MINDY3: variants seen among roughly 807,000 people sequenced by gnomAD.
The protein encoded by MINDY3 is MINDY lysine 48 deubiquitinase 3.
In MINDY3, 38 loss-of-function variants were observed where a neutral mutation model predicts 69.2. The ratio of observed to expected loss-of-function variants is 0.55; its 90% CI spans 0.42 to 0.72. The LOEUF (loss-of-function observed/expected upper bound fraction) is 0.72. MINDY3 is among the 30% of genes least tolerant of loss of function. MINDY3 has a pLI of 0.00. For missense variants in MINDY3, 522 were observed against 519.0 expected, an observed-to-expected ratio of 1.01 and a Z score of -0.06; for synonymous variants, 192 against 180.1, an observed-to-expected ratio of 1.07 and a Z score of -0.53.
intron 14 of MINDY3, among the ~76,000 whole-genome samples, chr10:15,779,999 A>G (rs1352954385): frequency 3.3e-5 from 5 of 152,204 alleles, no homozygotes; most frequent in African/African-American, 1.2e-4. Flanking sequence ...TTTTTGTACC[A>G]AGAGAAATTC....
chr10:15,837,384 A>T, intron 5 of MINDY3, 66 bp from the exon 6 acceptor site: 1 of 1,320,824 alleles, frequency 7.6e-7, no homozygotes, highest in East Asian at 2.4e-5. Context: ...AAAAGGGAAA[A>T]TTTTTAAATT....
chr10:15,845,320 T>C (rs1218869459), intron 2 of MINDY3, among the ~76,000 whole-genome samples: 2 of 152,222 alleles, frequency 1.3e-5, no homozygotes, highest in Admixed American at 6.5e-5. Context: ...TATGATTGTA[T>C]TATGTATTTG....
At chr10:15,841,127 T>C (rs890332305) in intron 4 of MINDY3, among the ~76,000 whole-genome samples, 2 of 151,408 alleles carry the variant, frequency 1.3e-5, no homozygotes, top group African/African-American at 4.8e-5. Context: ...AACTGAAGCA[T>C]ATCATTATTT....
intron 10 of MINDY3, among the ~76,000 whole-genome samples, chr10:15,812,958 C>T (rs1032031686): frequency 1.5e-4 from 23 of 152,094 alleles, no homozygotes; most frequent in Non-Finnish European, 2.8e-4. Flanking sequence ...CACTTTTTTC[C>T]TCTCTACCTC....
chr10:15,833,000 A>G (rs528755679), intron 8 of MINDY3, among the ~76,000 whole-genome samples: 161 of 152,360 alleles, frequency 1.1e-3, no homozygotes, highest in African/African-American at 3.8e-3. Context: ...ATGAATAAAT[A>G]AATGAATTCA....
At chr10:15,798,115 A>G (rs892567743) in intron 10 of MINDY3, among the ~76,000 whole-genome samples, 21 of 152,170 alleles carry the variant, frequency 1.4e-4, no homozygotes, top group African/African-American at 5.1e-4. Flanking sequence ...TCACCAATGA[A>G]TGAGGAAAAG....
At chr10:15,859,262 T>C (rs546749930) in intron 1 of MINDY3, among the ~76,000 whole-genome samples, 17 of 152,324 alleles carry the variant, frequency 1.1e-4, no homozygotes, top group African/African-American at 3.8e-4. Flanking sequence ...ATATTTACTA[T>C]GCCAAAATTC....
In MINDY3 at chr10:15,842,752, G is replaced by A. The variant is rs183537973; in HGVS notation, c.235+460C>T. Among the ~76,000 whole-genome samples, 17 of 151,832 alleles carry A rather than the reference G, an allele frequency of 1.1e-4. No individual in the cohort carries two copies. In the East Asian group the frequency reaches 2.5e-3, roughly 22 times the overall value. On this transcript the variant is annotated intron_variant, in intron 3 of 14. Transcript: ENST00000277632. ...AAGGTGGCACCACACATCTCTCTGGGTACAGAAGCTCATGTTACAGAAGCT... is the reference window on the plus strand; with the variant it reads ...AAGGTGGCACCACACATCTCTCTGGATACAGAAGCTCATGTTACAGAAGCT...
Position 15,837,432 on chromosome 10 carries a change from G to A in MINDY3, c.462-114C>T, listed in dbSNP as rs902756400. Reference sequence around the variant, plus strand: ...AAAACATATACATACAAACAGGAAAGTTTTGGGACGTTTCTAAATTTTTCA... The same window carrying A: ...AAAACATATACATACAAACAGGAAAATTTTGGGACGTTTCTAAATTTTTCA... On this transcript the variant is annotated intron_variant, in intron 5 of 14. Coordinates refer to ENST00000277632, the MANE Select transcript of MINDY3 (RefSeq NM_024948.4). 2.0e-5 allele frequency: 25 copies of A among 1,239,752 alleles called. No individual in the cohort carries two copies. In the Admixed American group the frequency reaches 4.3e-4, roughly 21 times the overall value. 76.8% of individuals were successfully genotyped at this position (1,239,752 alleles called of 1,614,324 possible). A position where few individuals can be genotyped will look rare whatever the true frequency, so the allele number is the denominator to read the frequency against.
intron 8 of MINDY3, among the ~76,000 whole-genome samples, chr10:15,831,930 C>A (rs1482814377): frequency 6.6e-6 from 1 of 152,156 alleles, no homozygotes; most frequent in African/African-American, 2.4e-5. Context: ...TCCACCTCGG[C>A]CTCCCAAAGT....
intron 10 of MINDY3, among the ~76,000 whole-genome samples, chr10:15,810,394 TTCACAAAGCTTATTTGTAAATAC>T (rs1340863497): frequency 1.3e-5 from 2 of 152,186 alleles, no homozygotes; most frequent in Non-Finnish European, 2.9e-5. Flanking sequence ...TATAGGTAGT[TTCACAAAGCTTATTTGTAAATAC>T]TCATGACAGC....
intron 4 of MINDY3, among the ~76,000 whole-genome samples, chr10:15,839,004 CAA>C: frequency 6.6e-6 from 1 of 151,674 alleles, no homozygotes; most frequent in African/African-American, 2.4e-5. Flanking sequence ...AAAATCCTCT[CAA>C]GAGTACATAG....
In MINDY3 at chr10:15,860,318, G is replaced by C; in HGVS notation, c.-19C>G. The C allele has an allele frequency of 6.4e-7, 1 of 1,566,182 alleles. No individual in the cohort carries two copies. The highest frequency in any genetic ancestry group is 8.7e-7 in the Non-Finnish European group (1 of 1,150,104). On this transcript the variant is annotated 5_prime_UTR_variant, in exon 1 of 15. Transcript: ENST00000277632. ...CGGACATGATGAGGAACCGGCGGGCGGATCTTCGCTTTGCGGACTCCTGCC... is the reference window on the plus strand; with the variant it reads ...CGGACATGATGAGGAACCGGCGGGCCGATCTTCGCTTTGCGGACTCCTGCC...
intron 8 of MINDY3, among the ~76,000 whole-genome samples, chr10:15,832,947 C>T (rs1335833841): frequency 1.3e-5 from 2 of 151,858 alleles, no homozygotes; most frequent in African/African-American, 4.8e-5. Flanking sequence ...TCCTATGCTA[C>T]GTACTTCAGA....
intron 10 of MINDY3, among the ~76,000 whole-genome samples, chr10:15,797,366 T>C (rs375583831): frequency 3.5e-4 from 54 of 152,270 alleles, no homozygotes; most frequent in African/African-American, 1.2e-3. Context: ...CACAGTTGTC[T>C]CTCATTTACC....
intron 9 of MINDY3, among the ~76,000 whole-genome samples, chr10:15,821,241 T>G (rs1839736098): frequency 6.6e-6 from 1 of 152,210 alleles, no homozygotes; most frequent in Non-Finnish European, 1.5e-5. Context: ...AAAGTCAGAA[T>G]TTCAGGCATC....
intron 10 of MINDY3, among the ~76,000 whole-genome samples, chr10:15,799,319 C>A (rs1303664592): frequency 6.6e-6 from 1 of 152,136 alleles, no homozygotes; most frequent in East Asian, 1.9e-4. Flanking sequence ...CTGCCCCAGC[C>A]TCCCTAGTAG....
chr10:15,787,150 G>A (rs1316086953), intron 12 of MINDY3, among the ~76,000 whole-genome samples: 2 of 152,108 alleles, frequency 1.3e-5, no homozygotes, highest in Non-Finnish European at 2.9e-5. Flanking sequence ...CATAGACAAT[G>A]TAATTTGAAG....
intron 8 of MINDY3, among the ~76,000 whole-genome samples, chr10:15,826,042 A>T (rs928027601): frequency 6.6e-6 from 1 of 152,184 alleles, no homozygotes; most frequent in Admixed American, 6.5e-5. Flanking sequence ...TTAAGATAAA[A>T]AAGAGACCAT....
Sources: gnomAD v4.1 joint callset for allele counts (sites outside exome capture counted in the v4.1 genomes callset) on GRCh38, gnomAD v4.1.1 for gene constraint, MANE v1.5 for transcripts, NCBI Gene and HGNC (gene_info 2026-07-23, HGNC 2026-07-21) for gene names.